Variants in SYN3 observed in about 807,000 individuals in gnomAD.
SYN3 encodes synapsin-3.
A neutral mutation model predicts 65.8 loss-of-function variants in SYN3; 35 were observed. The observed-to-expected ratio is 0.53, with a 90% confidence interval of 0.41 to 0.70. The LOEUF (loss-of-function observed/expected upper bound fraction) is 0.70. Among genes scored for constraint, SYN3 ranks in the 30% least tolerant of loss-of-function variants. The pLI is 0.00. For missense variants in SYN3, 680 were observed against 749.0 expected (o/e 0.91, Z 1.08); for synonymous variants, 270 against 292.9 (o/e 0.92, Z 0.80).
chr22:32,845,610 C>T (rs2048038315), intron 6 of SYN3, among the ~76,000 whole-genome samples: 1 of 152,156 alleles, frequency 6.6e-6, no homozygotes, highest in Non-Finnish European at 1.5e-5. Context: ...CAGACACCAA[C>T]CTAGTTCATG....
rs956811235 is a variant in SYN3 at position 32,801,594 on chromosome 22, C to T, written c.711+63321G>A. The T allele has an allele frequency of 2.6e-5, 4 of 153,922 alleles. No individual in the cohort carries two copies. The highest frequency in any genetic ancestry group is 5.8e-5 in the Non-Finnish European group (4 of 69,442). 9.5% of individuals were successfully genotyped at this position (153,922 alleles called of 1,614,324 possible). ...CGGCCCCGCCCCCTTTTTGGAGGGC[C>T]GATGAGGTAATGCGGCTCTGCCATT... On this transcript the variant is annotated intron_variant, in intron 6 of 13. Transcript: ENST00000358763. This position sits in a 1 kb window ranked among gnomAD's most constrained non-coding sequence, Gnocchi z 4.7.
At chr22:32,736,970 G>C (rs1265108953) in intron 6 of SYN3, among the ~76,000 whole-genome samples, 1 of 152,064 alleles carries the variant, frequency 6.6e-6, no homozygotes, top group Non-Finnish European at 1.5e-5. Context: ...CAAGCAGACA[G>C]ACCTCTCTGA....
rs1232299219 is a variant in SYN3 at position 32,508,131 on chromosome 22, C to T, written c.*5561G>A. 6.6e-6 allele frequency among the ~76,000 whole-genome samples: 1 copy of T among 152,150 alleles called. No homozygotes were observed. Among genetic ancestry groups the T allele is most frequent in the Non-Finnish European group, 1.5e-5 (1 of 68,026 alleles). ...CCCCTGTGACTTGCGCGTATACGCC[C>T]AGATGGCCTGAAGTAACTGAAGAAT... On this transcript the variant is annotated 3_prime_UTR_variant, in exon 14 of 14. Transcript: ENST00000358763.
At chr22:33,030,786 G>C (rs564392915) in intron 1 of SYN3, among the ~76,000 whole-genome samples, 1 of 151,914 alleles carries the variant, frequency 6.6e-6, no homozygotes, top group East Asian at 1.9e-4. Flanking sequence ...GAGACAGATA[G>C]ACAGAAACAG....
chr22:32,734,244 A>G (rs1300274121), intron 6 of SYN3, among the ~76,000 whole-genome samples: 1 of 152,192 alleles, frequency 6.6e-6, no homozygotes, highest in Non-Finnish European at 1.5e-5. Context: ...GTATGAGTGG[A>G]TACACGCATG....
intron 6 of SYN3, among the ~76,000 whole-genome samples, chr22:32,759,273 G>A (rs2045384420): frequency 6.6e-6 from 1 of 151,976 alleles, no homozygotes; most frequent in East Asian, 1.9e-4. Context: ...TAGGCTTGGG[G>A]AAATTATTTA....
chr22:32,967,526 C>G (rs2051883727), intron 3 of SYN3, among the ~76,000 whole-genome samples: 1 of 152,224 alleles, frequency 6.6e-6, no homozygotes, highest in Non-Finnish European at 1.5e-5. Flanking sequence ...GGAGACTCTG[C>G]TTAGAGTGGG....
chr22:32,533,171 C>T (rs552012878), intron 10 of SYN3, among the ~76,000 whole-genome samples: 15 of 151,924 alleles, frequency 9.9e-5, no homozygotes, highest in Non-Finnish European at 1.9e-4. Flanking sequence ...ATTCCGGGAC[C>T]CACAGCCCCT....
chr22:32,614,874 G>GA (rs539779937), intron 6 of SYN3, among the ~76,000 whole-genome samples: 2 of 150,504 alleles, frequency 1.3e-5, no homozygotes, highest in African/African-American at 2.4e-5. Flanking sequence ...TTCTGCACTG[G>GA]AAAAAAAACT....
chr22:32,624,396 G>T (rs1165906652), intron 6 of SYN3, among the ~76,000 whole-genome samples: 1 of 152,158 alleles, frequency 6.6e-6, no homozygotes, highest in African/African-American at 2.4e-5. Context: ...ACTGATGGTC[G>T]GTGGATACAC....
intron 1 of SYN3, among the ~76,000 whole-genome samples, chr22:33,045,150 A>T (rs1422675451): frequency 2.0e-5 from 3 of 151,982 alleles, no homozygotes; most frequent in Non-Finnish European, 2.9e-5. Flanking sequence ...GCCCCAGATG[A>T]TTCTTAAATA....
intron 6 of SYN3, among the ~76,000 whole-genome samples, chr22:32,722,965 A>C (rs1009109208): frequency 2.6e-5 from 4 of 152,142 alleles, no homozygotes; most frequent in Admixed American, 6.5e-5. Flanking sequence ...CTTCACCTCA[A>C]ATTGCCTACA....
intron 7 of SYN3, among the ~76,000 whole-genome samples, chr22:32,571,664 C>T (rs982441249): frequency 1.3e-5 from 2 of 152,144 alleles, no homozygotes; most frequent in Admixed American, 6.5e-5. Flanking sequence ...AAAGGTGGCA[C>T]TGTTTATGTG....
intron 4 of SYN3, among the ~76,000 whole-genome samples, chr22:32,912,542 C>T (rs905041410): frequency 6.6e-6 from 1 of 151,746 alleles, no homozygotes; most frequent in Non-Finnish European, 1.5e-5. Context: ...ATAGTGAGAC[C>T]CCCCCATCTC....
chr22:32,695,116 C>A (rs1474423211), intron 6 of SYN3, among the ~76,000 whole-genome samples: 1 of 152,098 alleles, frequency 6.6e-6, no homozygotes, highest in Non-Finnish European at 1.5e-5. Flanking sequence ...TTTATAATAT[C>A]TTTGAATATG....
intron 6 of SYN3, among the ~76,000 whole-genome samples, chr22:32,634,166 G>C (rs1386007317): frequency 6.6e-6 from 1 of 152,120 alleles, no homozygotes; most frequent in African/African-American, 2.4e-5. Flanking sequence ...GTTTTTCCAG[G>C]TAGGAACCAA....
chr22:32,721,671 C>A (rs536902214), intron 6 of SYN3, among the ~76,000 whole-genome samples: 140 of 152,320 alleles, frequency 9.2e-4, no homozygotes, highest in African/African-American at 3.2e-3. Context: ...ACTGGTGGTA[C>A]AGTGTAAATA....
chr22:32,519,546 C>G (rs1239813830), intron 12 of SYN3: 1 of 152,134 alleles, frequency 6.6e-6, no homozygotes, highest in Non-Finnish European at 1.5e-5. Flanking sequence ...ACAGAAAGCT[C>G]AAAGAGAATC....
chr22:32,861,192 A>C (rs2048527688), intron 6 of SYN3: 1 of 150,272 alleles, frequency 6.7e-6, no homozygotes, highest in Non-Finnish European at 1.5e-5. Flanking sequence ...AAAAAAAAGC[A>C]GCAGACAACA....
Sources: allele counts gnomAD v4.1 joint callset (sites outside exome capture counted in the v4.1 genomes callset), GRCh38; gene constraint gnomAD v4.1.1; non-coding constraint Gnocchi (gnomAD v3.1); transcripts MANE v1.5; gene names NCBI Gene and HGNC (gene_info 2026-07-23, HGNC 2026-07-21).